The following TMT1A variants were observed in gnomAD, a reference collection of about 807,000 sequenced individuals.
TMT1A encodes the protein thiol methyltransferase 1A.
chr12:50,930,117 G>A, the TMT1A span: 1 of 1,613,306 alleles, frequency 6.2e-7, no homozygotes, highest in East Asian at 2.2e-5. Context: ...GGGAGTTGGT[G>A]CGCCCTCATA....
At chr12:50,930,405 T>TA in the TMT1A span, 5 of 281,612 alleles carry the variant, frequency 1.8e-5, no homozygotes, top group Admixed American at 2.5e-4. Context: ...TCAGCCTCCC[T>TA]AGTAGCTGGG....
the TMT1A span, chr12:50,932,070 A>G: frequency 6.6e-6 from 1 of 152,156 alleles, no homozygotes; most frequent in East Asian, 1.9e-4. Flanking sequence ...ACAGTTTAGT[A>G]TATCCATAAA....
the TMT1A span, among the ~76,000 whole-genome samples, chr12:50,929,510 C>T: frequency 6.6e-6 from 1 of 152,230 alleles, no homozygotes; most frequent in African/African-American, 2.4e-5. Context: ...CCACACATAA[C>T]ATGTAATAAC....
the TMT1A span, chr12:50,929,945 C>T: frequency 6.2e-7 from 1 of 1,613,634 alleles, no homozygotes; most frequent in Non-Finnish European, 8.5e-7. Context: ...GAGCATGTGG[C>T]AGCTGAGTGT....
chr12:50,926,765 T>G, the TMT1A span, among the ~76,000 whole-genome samples: 1 of 152,212 alleles, frequency 6.6e-6, no homozygotes, highest in Non-Finnish European at 1.5e-5. Flanking sequence ...TATAAGTTAA[T>G]GGGAATGACA....
the TMT1A span, chr12:50,930,947 T>C: frequency 7.9e-5 from 12 of 152,304 alleles, no homozygotes; most frequent in African/African-American, 2.9e-4. Context: ...TATTTAGCCA[T>C]TTTCTATTGT....
chr12:50,931,077 T>G, the TMT1A span: 1 of 146,626 alleles, frequency 6.8e-6, no homozygotes, highest in Non-Finnish European at 1.5e-5. Context: ...TGACTTGAAA[T>G]TTTTTCCAAT....
chr12:50,929,845 C>CA, the TMT1A span: 1 of 1,467,888 alleles, frequency 6.8e-7, no homozygotes, highest in Non-Finnish European at 9.3e-7. Context: ...GAACAATTTT[C>CA]AAAAAATAAA....
the TMT1A span, among the ~76,000 whole-genome samples, chr12:50,927,080 C>T: frequency 6.6e-6 from 1 of 152,128 alleles, no homozygotes; most frequent in African/African-American, 2.4e-5. Flanking sequence ...AGTGCAGTGG[C>T]ATGATCACAG....
the TMT1A span, among the ~76,000 whole-genome samples, chr12:50,926,548 C>CTA: frequency 6.6e-6 from 1 of 152,132 alleles, no homozygotes; most frequent in Non-Finnish European, 1.5e-5. Flanking sequence ...CAATAGGATG[C>CTA]TATGTAAGTG....
chr12:50,926,156 T>G, the TMT1A span, among the ~76,000 whole-genome samples: 14 of 151,564 alleles, frequency 9.2e-5, no homozygotes, highest in African/African-American at 3.2e-4. Context: ...ACTTCCCTCA[T>G]GTTAAAAGAC....
the TMT1A span, among the ~76,000 whole-genome samples, chr12:50,926,037 AAAG>A: frequency 5.4e-5 from 8 of 146,952 alleles, no homozygotes; most frequent in South Asian, 4.3e-4. Context: ...AAAAAAAAAA[AAAG>A]AAAGAAAGAA....
chr12:50,931,012 C>T, the TMT1A span: 1 of 151,848 alleles, frequency 6.6e-6, no homozygotes, highest in Non-Finnish European at 1.5e-5. Context: ...TCAAAGGAAA[C>T]AGTCGACTTT....
At chr12:50,927,813 T>A in the TMT1A span, among the ~76,000 whole-genome samples, 2 of 152,182 alleles carry the variant, frequency 1.3e-5, no homozygotes, top group Non-Finnish European at 2.9e-5. Context: ...ATGGCTCTCT[T>A]TAATGCAAAT....
the TMT1A span, chr12:50,929,845 CA>C: frequency 6.8e-7 from 1 of 1,467,772 alleles, no homozygotes; most frequent in African/African-American, 1.4e-5. Context: ...GAACAATTTT[CA>C]AAAAATAAAT....
At chr12:50,927,457 A>G in the TMT1A span, among the ~76,000 whole-genome samples, 1 of 152,178 alleles carries the variant, frequency 6.6e-6, no homozygotes, top group African/African-American at 2.4e-5. Flanking sequence ...TGATTCTTAT[A>G]CCCAAATGCT....
chr12:50,930,194 G>T, the TMT1A span: 1 of 1,435,002 alleles, frequency 7.0e-7, no homozygotes, highest in Non-Finnish European at 9.4e-7. Context: ...AGAATTTAAA[G>T]CTTCAGTTTT....
the TMT1A span, among the ~76,000 whole-genome samples, chr12:50,926,958 A>T: frequency 5.3e-5 from 8 of 152,344 alleles, no homozygotes; most frequent in South Asian, 1.7e-3. Flanking sequence ...ACAAAGTTGA[A>T]GATATGGATA....
chr12:50,928,933 A>G, the TMT1A span, among the ~76,000 whole-genome samples: 1 of 152,000 alleles, frequency 6.6e-6, no homozygotes, highest in South Asian at 2.1e-4. Context: ...GCCCTATCCT[A>G]TGAAGATTTT....
Sources: gnomAD v4.1 joint callset for allele counts (sites outside exome capture counted in the v4.1 genomes callset) on GRCh38, gnomAD v4.1.1 for gene constraint, MANE v1.5 for transcripts, NCBI Gene and HGNC (gene_info 2026-07-23, HGNC 2026-07-21) for gene names.